Variants in HPS4 observed in about 807,000 individuals in gnomAD.
The protein encoded by HPS4 is HPS4 biogenesis of lysosomal organelles complex 3 subunit 2.
HPS4 carries 44 observed loss-of-function variants against 70.3 expected under a neutral mutation model. The observed-to-expected ratio is 0.63, with a 90% CI of 0.49 to 0.80. The LOEUF (loss-of-function observed/expected upper bound fraction) is 0.80. Among genes scored for constraint, HPS4 ranks in the 30% least tolerant of loss-of-function variants. The pLI is 0.00. For synonymous variants in HPS4, 377 were observed against 355.9 expected, an observed-to-expected ratio of 1.06 and a Z score of -0.67; for missense variants, 873 against 884.4, an observed-to-expected ratio of 0.99 and a Z score of 0.16.
chr22:26,454,611 C>G lies in HPS4; in HGVS notation c.1956-1207G>C, dbSNP rs529035034. 5.9e-5 allele frequency among the ~76,000 whole-genome samples: 9 copies of G among 152,248 alleles called. No individual in the cohort carries two copies. The South Asian group carries it at 1.7e-3, about 28-fold the overall frequency. On this transcript the variant is annotated intron_variant, in intron 13 of 13. Transcript: ENST00000398145. ...TGGATTAAAGACTTACATGTTAGAC[C>G]TAAAACCATAAAAACCCTAGAAGAA...
Position 26,481,749 on chromosome 22 carries a change from G to A in HPS4, c.14C>T (p.Thr5Ile). 4 of 1,614,170 alleles carry A rather than the reference G, an allele frequency of 2.5e-6. No homozygotes were observed. The highest frequency in any genetic ancestry group is 3.4e-6 in the Non-Finnish European group (4 of 1,179,978). The change falls in exon 2 of 14, where the codon ACC becomes ATC. Residue 5 changes from threonine (T) to isoleucine (I), a missense_variant. By Grantham distance (89) the Thr-to-Ile change is moderately conservative. Coordinates refer to ENST00000398145, the MANE Select transcript of HPS4 (RefSeq NM_022081.6). MATSTSTEAKSASWW... is the reference protein window; with the variant it reads MATSISTEAKSASWW... ...CGAGGCTGACTTTGCCTCTGTGGAG[G>A]TAGAGGTGGCCATCTACTGTGCAGT...
chr22:26,453,174 A>G lies in HPS4; in HGVS notation c.*59T>C, dbSNP rs2085486691. On this transcript the variant is annotated 3_prime_UTR_variant, in exon 14 of 14. Coordinates refer to ENST00000398145, the MANE Select transcript of HPS4 (RefSeq NM_022081.6). ...ATAAAATAGAGGGGCCTTTTCAATT[A>G]TAAAAGGCAGAGCTTCCTTTGCTGG... is the stretch of plus-strand genomic sequence containing the variant. 1 of 1,527,790 alleles carries G rather than the reference A, an allele frequency of 6.5e-7. No homozygotes were observed. The highest frequency in any genetic ancestry group is 1.4e-5 in the African/African-American group (1 of 73,134). 94.6% of individuals were successfully genotyped at this position (1,527,790 alleles called of 1,614,324 possible).
At chr22:26,479,772 A>G in intron 2 of HPS4, 1 of 763,876 alleles carries the variant, frequency 1.3e-6, no homozygotes, top group Non-Finnish European at 1.6e-6. Flanking sequence ...AGATTTCCAG[A>G]AACAGCCCTT....
downstream of HPS4, among the ~76,000 whole-genome samples, chr22:26,448,692 A>C (rs8137053): frequency 6.6e-6 from 1 of 151,996 alleles, no homozygotes; most frequent in Non-Finnish European, 1.5e-5. Context: ...TCTGGGTTTT[A>C]TTCTCAGGGG....
At chr22:26,464,997 G>T (rs756374905) in intron 10 of HPS4, among the ~76,000 whole-genome samples, 171 bp from the exon 11 acceptor site, 1 of 152,224 alleles carries the variant, frequency 6.6e-6, no homozygotes, top group Non-Finnish European at 1.5e-5. Flanking sequence ...ACCAACATCT[G>T]GCCCTTGGGG....
intron 9 of HPS4, chr22:26,466,000 G>A: frequency 7.1e-7 from 1 of 1,413,526 alleles, no homozygotes; most frequent in Non-Finnish European, 9.6e-7. Context: ...ATGAAGTTAA[G>A]GAGGGTCTGA....
At chr22:26,457,518 T>C (rs1257914879) in intron 13 of HPS4, among the ~76,000 whole-genome samples, 4 of 152,168 alleles carry the variant, frequency 2.6e-5, no homozygotes, top group South Asian at 2.1e-4. Flanking sequence ...GCCATATTAC[T>C]TTGTAATTAG....
At chr22:26,444,333 A>C (rs2084889961) in exon 4 of HPS4, 1 of 152,050 alleles carries the variant, frequency 6.6e-6, no homozygotes, top group Admixed American at 6.5e-5. Context: ...AAAGGTGTGC[A>C]CTGCGTGACA....
At position 26,464,596 on chromosome 22, in the gene HPS4, G is replaced by A. The variant is rs1354783135; in HGVS notation, c.1034C>T (p.Ala345Val). 2 of 1,614,188 alleles carry A rather than the reference G, an allele frequency of 1.2e-6. No individual in the cohort carries two copies. The highest frequency in any genetic ancestry group is 3.3e-5 in the Admixed American group (2 of 60,032). ...GCTGAGGCCAAGAACCTCACCCCTG[G>A]CAGAGTTGTGCAGTCCTGCGGGCCT... ...SIRPAGLHNSARGEVLGLSSS... is the reference protein window; with the variant it reads ...SIRPAGLHNSVRGEVLGLSSS... The change falls in exon 11 of 14, where the codon GCC becomes GTC. Residue 345 changes from alanine to valine, a missense_variant. Transcript: ENST00000398145.
At chr22:26,480,018 G>A (rs771202640) in intron 2 of HPS4, among the ~76,000 whole-genome samples, 1 of 152,126 alleles carries the variant, frequency 6.6e-6, no homozygotes, top group Non-Finnish European at 1.5e-5. Flanking sequence ...TGATTCCCTC[G>A]GCCCAGAGAT....
chr22:26,469,680 G>A lies in HPS4; in HGVS notation c.596+1039C>T, dbSNP rs563634902. ...AGCCTGGGCAACATAGCAAGACCTC[G>A]TCCCTACAAAAAAAAAAAAAAGAAA... On this transcript the variant is annotated intron_variant, in intron 7 of 13. Coordinates refer to ENST00000398145, the MANE Select transcript of HPS4 (RefSeq NM_022081.6). Among the ~76,000 whole-genome samples, 185 of 128,286 alleles carry A rather than the reference G, an allele frequency of 1.4e-3. 6 individuals are homozygous for A. In the South Asian group the frequency reaches 0.046, roughly 32 times the overall value. The allele number at this position is 128,286 out of a possible 152,430, so 84.2% of individuals were successfully genotyped here.
In HPS4 at chr22:26,452,431, C is replaced by T. The variant is rs1046049821; in HGVS notation, c.*802G>A. The T allele has an allele frequency of 1.3e-5, 6 of 450,412 alleles. No homozygotes were observed. Among genetic ancestry groups the T allele is most frequent in the African/African-American group, 1.2e-4 (6 of 49,634 alleles). The allele number at this position is 450,412 out of a possible 1,614,324, so 27.9% of individuals were successfully genotyped here. On this transcript the variant is annotated 3_prime_UTR_variant, in exon 14 of 14. Transcript: ENST00000398145. ...AAAGCACAGTGCTTTTACCCCCAGA[C>T]ATCTTGTAAACTCCTATTTAGGGAC... is the stretch of plus-strand genomic sequence containing the variant.
chr22:26,466,243 T>C lies in HPS4; in HGVS notation c.689A>G (p.Asp230Gly), dbSNP rs2088587597. The C allele has an allele frequency of 6.2e-7, 1 of 1,614,022 alleles. No individual in the cohort carries two copies. The highest frequency in any genetic ancestry group is 1.3e-5 in the African/African-American group (1 of 74,908). ...CTACTTACCATGTTCCTGCGGGGCA[T>C]CCTCTCCCGTAGGGAGTCTCTGAAA... Reference protein sequence around the residue: ...PQEQRLPTGEDAPQEHGAALP... With the variant: ...PQEQRLPTGEGAPQEHGAALP... Residue 230 changes from aspartate (D) to glycine (G), a missense_variant, in exon 9 of 14, where the codon GAT becomes GGT. Physicochemically the swap from Asp to Gly is moderately conservative, Grantham distance 94. Coordinates refer to ENST00000398145, the MANE Select transcript of HPS4 (RefSeq NM_022081.6).
chr22:26,455,654 G>A (rs2085976680), intron 13 of HPS4, among the ~76,000 whole-genome samples: 1 of 150,888 alleles, frequency 6.6e-6, no homozygotes, highest in Admixed American at 6.6e-5. Flanking sequence ...AATGGGTGCA[G>A]CACACCAACA....
Position 26,453,379 on chromosome 22 carries a change from A to C in HPS4, c.1981T>G (p.Cys661Gly), listed in dbSNP as rs1365709843. The C allele has an allele frequency of 6.2e-7, 1 of 1,614,160 alleles. No homozygotes were observed. The highest frequency in any genetic ancestry group is 8.5e-7 in the Non-Finnish European group (1 of 1,180,046). ...VRNASTAVYA[C>G]CNPIQETYFQ... ...TATGTCTCCTGGATGGGGTTGCAAC[A>C]GGCGTACACAGCCGTGGAGGCATTT... The change falls in exon 14 of 14, where the codon TGT (cysteine) becomes GGT (glycine). Residue 661 changes from cysteine to glycine, a missense_variant. Physicochemically the swap from Cys to Gly is radical, Grantham distance 159. Transcript: ENST00000398145.
Position 26,455,250 on chromosome 22 carries a change from A to G in HPS4, c.1956-1846T>C, listed in dbSNP as rs1163226372. Among the ~76,000 whole-genome samples the G allele has an allele frequency of 5.9e-5, 9 of 152,282 alleles. No homozygotes were observed. The East Asian group carries it at 1.5e-3, about 26-fold the overall frequency. On this transcript the variant is annotated intron_variant, in intron 13 of 13. Coordinates refer to ENST00000398145, the MANE Select transcript of HPS4 (RefSeq NM_022081.6). ...TTACTGGGTATATACCCAAAGGATT[A>G]TAAATCATGCTGCTATAAAGACACA... is the stretch of plus-strand genomic sequence containing the variant.
At chr22:26,457,789 G>A (rs1285527145) in intron 13 of HPS4, 70 bp downstream of exon 13, 4 of 1,137,640 alleles carry the variant, frequency 3.5e-6, no homozygotes, top group Non-Finnish European at 5.3e-6. Flanking sequence ...GGCGCTGCCT[G>A]GGCCCCACAG....
intron 3 of HPS4, among the ~76,000 whole-genome samples, chr22:26,445,240 G>A (rs532658181): frequency 7.9e-5 from 12 of 152,266 alleles, no homozygotes; most frequent in Admixed American, 7.2e-4. Flanking sequence ...AGGCTGAGGT[G>A]GGAGGATCAC....
intron 3 of HPS4, chr22:26,444,783 C>T (rs960225680): frequency 1.3e-5 from 2 of 152,326 alleles, no homozygotes; most frequent in Admixed American, 1.3e-4. Flanking sequence ...AATGTCTACA[C>T]AGATATTTGT....
Sources: allele counts gnomAD v4.1 joint callset (sites outside exome capture counted in the v4.1 genomes callset), GRCh38; gene constraint gnomAD v4.1.1; transcripts MANE v1.5; gene names NCBI Gene and HGNC (gene_info 2026-07-23, HGNC 2026-07-21).